TACC2: variants seen among roughly 807,000 people sequenced by gnomAD.
TACC2 encodes the protein transforming acidic coiled-coil-containing protein 2.
Under a neutral mutation model 227.3 loss-of-function variants are expected in TACC2, and 137 were observed. That is an observed-to-expected ratio of 0.60 (90% confidence interval 0.52 to 0.69). TACC2 has a LOEUF of 0.69. Ranked by LOEUF, TACC2 falls within the 30% of genes least tolerant of loss-of-function variation. The pLI, the probability that TACC2 is intolerant of heterozygous loss-of-function variation, is 0.00. For synonymous variants in TACC2, 1,523 were observed against 1,487.5 expected (o/e 1.02, Z -0.55); for missense variants, 3,470 against 3,694.4 (o/e 0.94, Z 1.57).
chr10:122,163,485 C>T (rs2092949981), intron 7 of TACC2: 15 of 836,426 alleles, frequency 1.8e-5, no homozygotes, highest in Non-Finnish European at 2.0e-5. Flanking sequence ...CGCCTCCCCA[C>T]CCCCAGCCCC....
At chr10:122,158,341 A>T (rs934706119) in intron 7 of TACC2, among the ~76,000 whole-genome samples, 3 of 151,950 alleles carry the variant, frequency 2.0e-5, no homozygotes, top group Admixed American at 6.6e-5. Flanking sequence ...GTGAGCTGAG[A>T]TCGTGCCACT....
intron 3 of TACC2, chr10:122,051,765 C>CTTTTTTTTTTTTTT (rs56185263): frequency 8.2e-6 from 1 of 122,462 alleles, no homozygotes; most frequent in Admixed American, 8.5e-5. Context: ...CTCAAAGTGA[C>CTTTTTTTTTTTTTT]TTTTTTTTTT....
chr10:122,077,894 C>T (rs1022488358), intron 3 of TACC2, among the ~76,000 whole-genome samples: 8 of 151,828 alleles, frequency 5.3e-5, no homozygotes, highest in South Asian at 2.1e-4. Context: ...TAAGCGCAAT[C>T]GTAACTGAAA....
intron 1 of TACC2, chr10:121,994,688 T>C (rs1429199747): frequency 6.5e-6 from 1 of 152,784 alleles, no homozygotes; most frequent in Non-Finnish European, 1.5e-5. Context: ...CTCCTCCTCC[T>C]CTCCACGCTG....
chr10:122,243,909 T>C (rs1392319838), intron 19 of TACC2, among the ~76,000 whole-genome samples: 4 of 152,208 alleles, frequency 2.6e-5, no homozygotes, highest in African/African-American at 9.6e-5. Flanking sequence ...AGCCATCTTT[T>C]ATTGCTCAGC....
At chr10:122,116,589 G>C (rs944858946) in intron 5 of TACC2, among the ~76,000 whole-genome samples, 8 of 152,192 alleles carry the variant, frequency 5.3e-5, no homozygotes, top group African/African-American at 1.9e-4. Context: ...CGAAGCTGGG[G>C]AGGCCAGTGA....
intron 7 of TACC2, among the ~76,000 whole-genome samples, chr10:122,177,504 G>C (rs1382455938): frequency 2.6e-5 from 4 of 152,094 alleles, no homozygotes; most frequent in African/African-American, 9.7e-5. Flanking sequence ...AGGAGTTCAA[G>C]GCTACAGGGC....
rs773822206 is a variant in TACC2, at chr10:122,083,811, T to G, written c.1311T>G (p.Pro437=). 2 of 1,614,166 alleles carry G rather than the reference T, an allele frequency of 1.2e-6. No homozygotes were observed. The highest frequency in any genetic ancestry group is 3.3e-5 in the Admixed American group (2 of 60,030). The change falls in exon 4 of 23, where the codon CCT becomes CCG. Residue 437 remains proline (P), a synonymous_variant. Transcript: ENST00000369005. Reference sequence around the variant, plus strand: ...AGATTCCTATTGCTGTAGAAGAACCTGGATCATCATCCAGGGAATCAGTTT... The same window carrying G: ...AGATTCCTATTGCTGTAGAAGAACCGGGATCATCATCCAGGGAATCAGTTT... ...AAQIPIAVEE[P]GSSSRESVSK... is the part of the protein sequence containing the mutation.
At chr10:122,032,915 C>T (rs950435301) in intron 2 of TACC2, among the ~76,000 whole-genome samples, 3 of 151,994 alleles carry the variant, frequency 2.0e-5, no homozygotes, top group Non-Finnish European at 2.9e-5. Flanking sequence ...GCTGAGACTG[C>T]ACCACTGCAG....
At chr10:122,110,100 T>C (rs892274570) in intron 5 of TACC2, among the ~76,000 whole-genome samples, 3 of 152,172 alleles carry the variant, frequency 2.0e-5, no homozygotes, top group Non-Finnish European at 4.4e-5. Flanking sequence ...TAGCAGCTAC[T>C]GTACTAGGGC....
At chr10:122,005,645 A>G (rs1004846876) in intron 1 of TACC2, among the ~76,000 whole-genome samples, 3 of 150,208 alleles carry the variant, frequency 2.0e-5, no homozygotes, top group African/African-American at 7.4e-5. Context: ...CGGCCTCCCA[A>G]AGTGCTGGGA....
intron 19 of TACC2, among the ~76,000 whole-genome samples, chr10:122,242,974 C>T (rs1167607889): frequency 1.3e-5 from 2 of 151,836 alleles, no homozygotes; most frequent in Non-Finnish European, 2.9e-5. Flanking sequence ...GAGACCGTCT[C>T]GTTCTGTCAC....
rs571310769 is a variant in TACC2, at chr10:122,230,264, G to A, written c.8038-87G>A. Reference sequence around the variant, plus strand: ...CGAGTGCCTGTCATGACACATTTTCGTGGCACGTTCATTTCTCGGATGTGG... The same window carrying A: ...CGAGTGCCTGTCATGACACATTTTCATGGCACGTTCATTTCTCGGATGTGG... On this transcript the variant is annotated intron_variant, in intron 15 of 22. Coordinates refer to ENST00000369005, the MANE Select transcript of TACC2 (RefSeq NM_206862.4). The A allele has an allele frequency of 7.5e-4, 862 of 1,148,214 alleles. 17 individuals carry two copies. The South Asian group carries it at 8.1e-3, about 11-fold the overall frequency. 71.1% of individuals were successfully genotyped at this position (1,148,214 alleles called of 1,614,324 possible).
intron 2 of TACC2, among the ~76,000 whole-genome samples, chr10:122,036,713 T>C (rs912290586): frequency 2.0e-5 from 3 of 152,142 alleles, no homozygotes; most frequent in Non-Finnish European, 4.4e-5. Flanking sequence ...TTCCACCTTT[T>C]GACTATAGTG....
chr10:122,249,705 C>T (rs1273862137), intron 22 of TACC2, 41 bp downstream of exon 22: 1 of 1,586,120 alleles, frequency 6.3e-7, no homozygotes, highest in Non-Finnish European at 8.6e-7. Flanking sequence ...GGCCGGGCTG[C>T]TGCTCTCTGT....
intron 7 of TACC2, among the ~76,000 whole-genome samples, chr10:122,166,812 TG>T (rs1213216152): frequency 6.6e-6 from 1 of 152,220 alleles, no homozygotes; most frequent in Admixed American, 6.5e-5. Context: ...GTAGCAATAG[TG>T]ACCATTTGTT....
At chr10:122,040,384 C>T (rs188898197) in intron 2 of TACC2, among the ~76,000 whole-genome samples, 16 of 152,272 alleles carry the variant, frequency 1.1e-4, no homozygotes, top group Non-Finnish European at 2.4e-4. Flanking sequence ...CCAGGGGTTT[C>T]ATGCATCCTG....
chr10:122,150,221 G>A lies in TACC2; in HGVS notation c.5834+6515G>A, dbSNP rs1033167954. ...AAAGCTTCAGCTTGTGACGCCATCT[G>A]GGCGGCAGTCCCACGGCCCCTAGAG... On this transcript the variant is annotated intron_variant, in intron 7 of 22. Transcript: ENST00000369005. This position sits in a 1 kb window ranked among gnomAD's most constrained non-coding sequence, Gnocchi z 4.0. Among the ~76,000 whole-genome samples, 1 of 152,234 alleles carries A rather than the reference G, an allele frequency of 6.6e-6. No individual in the cohort carries two copies. The highest frequency in any genetic ancestry group is 2.4e-5 in the African/African-American group (1 of 41,464).
chr10:122,084,550 G>A lies in TACC2; in HGVS notation c.2050G>A (p.Glu684Lys), dbSNP rs142091094. 4.6e-5 allele frequency: 75 copies of A among 1,613,748 alleles called. No homozygotes were observed. The South Asian group carries it at 4.9e-4, about 11-fold the overall frequency. The change falls in exon 4 of 23, where the codon GAA (glutamate) becomes AAA (lysine). Residue 684 changes from glutamate (E) to lysine (K), a missense_variant. Around this residue, in one of 10 missense-constraint regions of TACC2, gnomAD observed 1,924 missense variants for 1,978.3 expected, o/e 0.97. Transcript: ENST00000369005. ...TGGAGCTGGTGAGCCCACTGTTCCC[G>A]AAGGAGCCATCTGGGAGGGGTCAGG... ...PDGAGEPTVP[E>K]GAIWEGSGLQ... is the part of the protein sequence containing the mutation.
Sources: gnomAD v4.1 joint callset for allele counts (sites outside exome capture counted in the v4.1 genomes callset) on GRCh38, gnomAD v4.1.1 for gene constraint, gnomAD v4.1.1 regional missense constraint, Gnocchi (gnomAD v3.1) non-coding constraint, MANE v1.5 for transcripts, NCBI Gene and HGNC (gene_info 2026-07-23, HGNC 2026-07-21) for gene names.